SKAP2: variants seen among roughly 807,000 people sequenced by gnomAD.
SKAP2 encodes src kinase associated phosphoprotein 2, also known as src kinase-associated phosphoprotein 2.
A neutral mutation model predicts 54.9 loss-of-function variants in SKAP2; 28 were observed. The observed-to-expected ratio is 0.51, with a 90% CI of 0.38 to 0.70. SKAP2 has a LOEUF of 0.70. SKAP2 is among the 30% of genes least tolerant of loss of function. SKAP2 has a pLI of 0.00. For missense variants in SKAP2, 356 were observed against 424.1 expected (o/e 0.84, Z 1.41); for synonymous variants, 137 against 134.3 (o/e 1.02, Z -0.14).
At chr7:26,694,098 C>T (rs1002597932) in intron 9 of SKAP2, among the ~76,000 whole-genome samples, 3 of 152,072 alleles carry the variant, frequency 2.0e-5, no homozygotes, top group African/African-American at 7.2e-5. Context: ...GAAATATATA[C>T]ATTCACATAT....
At chr7:26,823,683 C>A (rs1312302448) in intron 4 of SKAP2, among the ~76,000 whole-genome samples, 1 of 152,112 alleles carries the variant, frequency 6.6e-6, no homozygotes, top group Middle Eastern at 3.2e-3. Context: ...CAAAAAAGTG[C>A]AAGGAGTTTG....
At chr7:26,832,695 A>T (rs530864121) in intron 4 of SKAP2, among the ~76,000 whole-genome samples, 3 of 152,292 alleles carry the variant, frequency 2.0e-5, no homozygotes, top group Non-Finnish European at 4.4e-5. Context: ...GTAATCAAGA[A>T]AAGGTAAAGA....
intron 4 of SKAP2, among the ~76,000 whole-genome samples, chr7:26,837,776 G>A (rs1196547400): frequency 6.8e-6 from 1 of 146,120 alleles, no homozygotes; most frequent in African/African-American, 2.4e-5. Flanking sequence ...GAGTAGGAAA[G>A]GGCTAGAAAA....
intron 4 of SKAP2, among the ~76,000 whole-genome samples, chr7:26,766,091 T>C (rs1313189895): frequency 6.6e-6 from 1 of 152,216 alleles, no homozygotes; most frequent in Non-Finnish European, 1.5e-5. Context: ...TATTGATTCT[T>C]CCTATCCATG....
intron 9 of SKAP2, among the ~76,000 whole-genome samples, chr7:26,708,607 T>C (rs924795861): frequency 6.6e-6 from 1 of 152,190 alleles, no homozygotes; most frequent in Non-Finnish European, 1.5e-5. Flanking sequence ...TCATCTTCAG[T>C]ATGTTCTATA....
chr7:26,853,491 C>A (rs531318860), intron 3 of SKAP2, among the ~76,000 whole-genome samples: 1 of 152,226 alleles, frequency 6.6e-6, no homozygotes, highest in South Asian at 2.1e-4. Context: ...GTCTGCTAAG[C>A]AGCTGTCTCT....
In SKAP2 at chr7:26,717,509, CAAAAAAAAAAAA is replaced by C. The variant is rs58826714; in HGVS notation, c.796+7907_796+7918del. Among the ~76,000 whole-genome samples, 78 of 23,126 alleles carry C rather than the reference CAAAAAAAAAAAA, an allele frequency of 3.4e-3. No individual in the cohort carries two copies. In the South Asian group the frequency reaches 0.037, roughly 11 times the overall value. The allele number at this position is 23,126 out of a possible 152,430, so 15.2% of individuals were successfully genotyped here. A position where few individuals can be genotyped will look rare whatever the true frequency, so the allele number is the denominator to read the frequency against. ...TGGGTGACAGAGCAAGACCCCATCT[CAAAAAAAAAAAA>C]AAAAAAAAAAAAAAAAAAAAAGGGC... On this transcript the variant is annotated intron_variant, in intron 9 of 12. Transcript: ENST00000345317.
chr7:26,849,707 G>T (rs1195713266), intron 3 of SKAP2, among the ~76,000 whole-genome samples: 3 of 145,882 alleles, frequency 2.1e-5, no homozygotes, highest in African/African-American at 5.0e-5. Context: ...AAAAAAAGCT[G>T]TAGACACTAA....
chr7:26,804,024 AGAAT>A (rs1437064540), intron 4 of SKAP2, among the ~76,000 whole-genome samples: 2 of 152,208 alleles, frequency 1.3e-5, no homozygotes, highest in Non-Finnish European at 2.9e-5. Context: ...AAAAATAGAA[AGAAT>A]GAATAAGACC....
chr7:26,837,071 AAACT>A (rs1376249832), intron 4 of SKAP2, among the ~76,000 whole-genome samples: 1 of 152,206 alleles, frequency 6.6e-6, no homozygotes, highest in Non-Finnish European at 1.5e-5. Flanking sequence ...CATTCTCAGC[AAACT>A]AACACAAGAA....
At chr7:26,707,044 T>C (rs1787175665) in intron 9 of SKAP2, among the ~76,000 whole-genome samples, 1 of 152,172 alleles carries the variant, frequency 6.6e-6, no homozygotes, top group Non-Finnish European at 1.5e-5. Context: ...TTCATAAATT[T>C]AACAAAAATT....
At chr7:26,786,269 A>T (rs912023727) in intron 4 of SKAP2, among the ~76,000 whole-genome samples, 1 of 152,242 alleles carries the variant, frequency 6.6e-6, no homozygotes, top group South Asian at 2.1e-4. Context: ...TTCATTAAAG[A>T]TCCGCCATTC....
chr7:26,662,690 C>G (rs1174444856), downstream of SKAP2, among the ~76,000 whole-genome samples: 1 of 152,096 alleles, frequency 6.6e-6, no homozygotes, highest in Non-Finnish European at 1.5e-5. Flanking sequence ...AATATGCTGA[C>G]CAACTGAAGC....
At chr7:26,835,738 T>G (rs1375313452) in intron 4 of SKAP2, among the ~76,000 whole-genome samples, 2 of 152,098 alleles carry the variant, frequency 1.3e-5, no homozygotes, top group Non-Finnish European at 2.9e-5. Flanking sequence ...ATAGGAAGAA[T>G]CAATATCATG....
chr7:26,855,608 C>A (rs929170954), intron 1 of SKAP2, among the ~76,000 whole-genome samples: 1 of 152,018 alleles, frequency 6.6e-6, no homozygotes, highest in Non-Finnish European at 1.5e-5. Context: ...ATATAGTCAC[C>A]AAGAAACAAG....
chr7:26,660,211 G>A, the SKAP2 span, among the ~76,000 whole-genome samples: 1 of 151,884 alleles, frequency 6.6e-6, no homozygotes, highest in African/African-American at 2.4e-5. Context: ...GCTCTGATAT[G>A]GTTTTCATGT....
chr7:26,770,686 C>T (rs962004631), intron 4 of SKAP2, among the ~76,000 whole-genome samples: 8 of 152,172 alleles, frequency 5.3e-5, no homozygotes, highest in East Asian at 1.9e-4. Context: ...CAGTCCCTCA[C>T]GGCTTCCCTT....
intron 9 of SKAP2, among the ~76,000 whole-genome samples, chr7:26,707,196 CT>C (rs1415532806): frequency 2.0e-5 from 3 of 151,792 alleles, no homozygotes; most frequent in African/African-American, 7.3e-5. Flanking sequence ...CTTGTCTCTA[CT>C]AAAAATACAA....
intron 4 of SKAP2, among the ~76,000 whole-genome samples, chr7:26,827,882 AGCAAGT>A (rs1259947816): frequency 6.6e-6 from 1 of 152,256 alleles, no homozygotes; most frequent in African/African-American, 2.4e-5. Flanking sequence ...ACACACTGAT[AGCAAGT>A]GCTGCTTAGA....
Sources: gnomAD v4.1 joint callset for allele counts (sites outside exome capture counted in the v4.1 genomes callset) on GRCh38, gnomAD v4.1.1 for gene constraint, MANE v1.5 for transcripts, NCBI Gene and HGNC (gene_info 2026-07-23, HGNC 2026-07-21) for gene names.